TENT5D: variants seen among roughly 807,000 people sequenced by gnomAD.
The protein encoded by TENT5D is terminal nucleotidyltransferase 5D, also known as cancer/testis antigen 112.
For synonymous variants in TENT5D, 103 were observed against 100.6 expected, an observed-to-expected ratio of 1.02 and a Z score of -0.15; for missense variants, 191 against 287.0, an observed-to-expected ratio of 0.67 and a Z score of 2.42.
At chrX:80,406,469 C>G (rs1437369570) in intron 3 of TENT5D, among the ~76,000 whole-genome samples, 1 of 106,720 alleles carries the variant, frequency 9.4e-6, no homozygotes, top group African/African-American at 3.4e-5. Context: ...GCCTCAGGAG[C>G]CGATGTGATC....
chrX:80,439,401 T>C (rs1932239059), intron 2 of TENT5D, among the ~76,000 whole-genome samples: 1 of 111,419 alleles, frequency 9.0e-6, no homozygotes, highest in African/African-American at 3.2e-5. Context: ...TATTTAGCCA[T>C]ACTTTTTGCT....
At chrX:80,353,380 C>A (rs1930223741) in intron 3 of TENT5D, among the ~76,000 whole-genome samples, 1 of 111,603 alleles carries the variant, frequency 9.0e-6, no homozygotes, top group African/African-American at 3.3e-5. Context: ...GTCACCCAGG[C>A]AATAAGCATA....
intron 3 of TENT5D, among the ~76,000 whole-genome samples, chrX:80,384,794 G>A (rs1412431208): frequency 9.3e-6 from 1 of 107,983 alleles, no homozygotes; most frequent in East Asian, 3.0e-4. Flanking sequence ...GACAAACAGA[G>A]AGCCAAATCA....
intron 3 of TENT5D, among the ~76,000 whole-genome samples, chrX:80,377,552 A>G (rs1241609623): frequency 9.0e-6 from 1 of 111,592 alleles, no homozygotes; most frequent in Non-Finnish European, 1.9e-5. Context: ...ATGTCCCTAC[A>G]AAGGACATGA....
chrX:80,386,327 G>T (rs138994731), intron 3 of TENT5D, among the ~76,000 whole-genome samples: 1 of 110,458 alleles, frequency 9.1e-6, no homozygotes, highest in Admixed American at 9.7e-5. Flanking sequence ...ACAATGGCAT[G>T]TTCTCACTCA....
At chrX:80,390,768 C>T (rs1241241357) in intron 3 of TENT5D, among the ~76,000 whole-genome samples, 1 of 111,418 alleles carries the variant, frequency 9.0e-6, no homozygotes, top group Non-Finnish European at 1.9e-5. Context: ...TAAATGTCCT[C>T]CACAAGGTGG....
At chrX:80,363,303 A>G (rs1930445678) in intron 3 of TENT5D, among the ~76,000 whole-genome samples, 1 of 111,696 alleles carries the variant, frequency 9.0e-6, no homozygotes, top group African/African-American at 3.2e-5. Flanking sequence ...CTTGGAACAC[A>G]TTGAATATAA....
chrX:80,385,525 G>A (rs1056733220), intron 3 of TENT5D, among the ~76,000 whole-genome samples: 11 of 112,004 alleles, frequency 9.8e-5, no homozygotes, highest in African/African-American at 3.2e-4. Flanking sequence ...AGGACTTCAT[G>A]TCTAAAACAC....
rs1014437562 is a variant in TENT5D, at chrX:80,378,122, G to C, written c.-142+35558G>C. On this transcript the variant is annotated intron_variant, in intron 3 of 4. Coordinates refer to the TENT5D transcript ENST00000538312. ...TGTAAATTTGTTTAAGTTCTTTGTA[G>C]ATTATGGATGTTAGCCTTTTGTCAG... Among the ~76,000 whole-genome samples, 11 of 112,150 alleles carry C rather than the reference G, an allele frequency of 9.8e-5. No homozygotes were observed. The Admixed American group carries it at 1.0e-3, about 11-fold the overall frequency.
At chrX:80,344,234 A>G (rs1470158020) in intron 3 of TENT5D, among the ~76,000 whole-genome samples, 2 of 110,057 alleles carry the variant, frequency 1.8e-5, no homozygotes, top group Non-Finnish European at 3.8e-5. Flanking sequence ...TCTCTTTGCT[A>G]TTGTGAATAG....
At chrX:80,341,099 G>C (rs1929948633) in intron 2 of TENT5D, among the ~76,000 whole-genome samples, 1 of 111,919 alleles carries the variant, frequency 8.9e-6, no homozygotes, top group South Asian at 3.7e-4. Context: ...TTTCACTTTG[G>C]AGGCAGTGGA....
intron 3 of TENT5D, among the ~76,000 whole-genome samples, chrX:80,351,007 G>A (rs1303682568): frequency 8.9e-6 from 1 of 111,942 alleles, no homozygotes; most frequent in Non-Finnish European, 1.9e-5. Flanking sequence ...TCTGCAGAGA[G>A]ATACGCTGTT....
chrX:80,361,075 A>G (rs1231260089), intron 3 of TENT5D, among the ~76,000 whole-genome samples: 3 of 111,491 alleles, frequency 2.7e-5, no homozygotes, highest in Non-Finnish European at 5.7e-5. Flanking sequence ...TGTATTTCCT[A>G]TGTGATTTAA....
intron 1 of TENT5D, among the ~76,000 whole-genome samples, chrX:80,432,068 A>G (rs1932099752): frequency 9.0e-6 from 1 of 111,128 alleles, no homozygotes; most frequent in African/African-American, 3.3e-5. Flanking sequence ...TTACATTCCT[A>G]AGGCTCCAGC....
chrX:80,405,905 G>A (rs78368867), intron 3 of TENT5D, among the ~76,000 whole-genome samples: 1 of 108,543 alleles, frequency 9.2e-6, no homozygotes, highest in African/African-American at 3.4e-5. Flanking sequence ...GAAGATCTGA[G>A]AACGGGCAGA....
intron 3 of TENT5D, among the ~76,000 whole-genome samples, chrX:80,354,199 TGTATG>T (rs1224107052): frequency 3.6e-5 from 4 of 111,597 alleles, no homozygotes; most frequent in African/African-American, 1.3e-4. Context: ...ACAGTCGTCT[TGTATG>T]GTATCTCACA....
intron 3 of TENT5D, among the ~76,000 whole-genome samples, chrX:80,349,710 T>C (rs1170455568): frequency 2.7e-5 from 3 of 111,347 alleles, no homozygotes. Context: ...ATTTGTTTGC[T>C]CTTGCTTCTC....
chrX:80,421,137 A>AT (rs1054631926), intron 1 of TENT5D, among the ~76,000 whole-genome samples: 7 of 110,844 alleles, frequency 6.3e-5, no homozygotes, highest in East Asian at 5.7e-4. Context: ...TTTTCAGATT[A>AT]TTTTTTTTCC....
intron 3 of TENT5D, among the ~76,000 whole-genome samples, chrX:80,346,061 C>G (rs1224871519): frequency 8.9e-6 from 1 of 111,774 alleles, no homozygotes; most frequent in Non-Finnish European, 1.9e-5. Flanking sequence ...TTTGACTGAC[C>G]CTGGTAATCA....
Sources: allele counts gnomAD v4.1 joint callset (sites outside exome capture counted in the v4.1 genomes callset), GRCh38; gene constraint gnomAD v4.1.1; transcripts MANE v1.5; gene names NCBI Gene and HGNC (gene_info 2026-07-23, HGNC 2026-07-21).